Variants in RAD51B observed in about 807,000 individuals in gnomAD.
RAD51B encodes DNA repair protein RAD51 homolog 2.
A neutral mutation model predicts 42.2 loss-of-function variants in RAD51B; 38 were observed. The observed-to-expected ratio is 0.90, with a 90% CI of 0.70 to 1.18. The LOEUF is 1.18. Ranked by LOEUF, RAD51B falls within the 50% of genes most tolerant of loss-of-function variation. The probability of loss-of-function intolerance (pLI) is 0.00; values close to 1 mark genes in which losing one functional copy is unlikely to be tolerated. For synonymous variants in RAD51B, 154 were observed against 145.2 expected, an observed-to-expected ratio of 1.06 and a Z score of -0.43; for missense variants, 373 against 400.7, an observed-to-expected ratio of 0.93 and a Z score of 0.59.
chr14:68,578,629 G>A (rs1890072630), intron 10 of RAD51B, among the ~76,000 whole-genome samples: 1 of 152,082 alleles, frequency 6.6e-6, no homozygotes, highest in Admixed American at 6.5e-5. Flanking sequence ...AGGATATATT[G>A]ACTCACAGGC....
At chr14:67,966,885 C>T (rs949557267) in intron 7 of RAD51B, among the ~76,000 whole-genome samples, 1 of 152,110 alleles carries the variant, frequency 6.6e-6, no homozygotes, top group Admixed American at 6.5e-5. Flanking sequence ...TCTAGCTTAA[C>T]CCTTTCCTCT....
chr14:67,894,393 T>C (rs1412043947), intron 7 of RAD51B, among the ~76,000 whole-genome samples: 1 of 152,170 alleles, frequency 6.6e-6, no homozygotes, highest in Non-Finnish European at 1.5e-5. Context: ...TCTGGTTAAC[T>C]TACACTTATT....
chr14:68,217,754 TG>T (rs2079846166), intron 7 of RAD51B, among the ~76,000 whole-genome samples: 1 of 152,206 alleles, frequency 6.6e-6, no homozygotes, highest in Admixed American at 6.5e-5. Flanking sequence ...CAGAAGAATT[TG>T]GAGCAGAGAG....
chr14:68,029,021 A>AG (rs1400588058), intron 7 of RAD51B, among the ~76,000 whole-genome samples: 3 of 152,216 alleles, frequency 2.0e-5, no homozygotes, highest in African/African-American at 7.2e-5. Flanking sequence ...AGGATTCCAG[A>AG]GGTCCACAGT....
At chr14:68,414,587 T>G (rs1157594235) in intron 9 of RAD51B, among the ~76,000 whole-genome samples, 1 of 152,114 alleles carries the variant, frequency 6.6e-6, no homozygotes, top group African/African-American at 2.4e-5. Context: ...AATACTGAGG[T>G]ACTGTTACAA....
chr14:68,346,936 C>T (rs1594700530), intron 8 of RAD51B, among the ~76,000 whole-genome samples: 1 of 152,136 alleles, frequency 6.6e-6, no homozygotes, highest in Admixed American at 6.5e-5. Flanking sequence ...TTTATCCCTT[C>T]CCCTCTTGCC....
intron 10 of RAD51B, among the ~76,000 whole-genome samples, chr14:68,569,824 C>CTGGGGGG: frequency 3.3e-5 from 5 of 152,106 alleles, no homozygotes; most frequent in Admixed American, 2.0e-4. Context: ...CAGTAGGGAG[C>CTGGGGGG]CCCCCAACCC....
intron 8 of RAD51B, among the ~76,000 whole-genome samples, chr14:68,325,579 T>C (rs971079707): frequency 6.6e-6 from 1 of 152,046 alleles, no homozygotes; most frequent in Non-Finnish European, 1.5e-5. Flanking sequence ...TCTCATTTTT[T>C]TTTTTTTTAA....
At chr14:68,091,435 T>C (rs148898681) in intron 7 of RAD51B, among the ~76,000 whole-genome samples, 42,146 of 152,132 alleles carry the variant, frequency 0.28, 7,928 homozygotes, top group African/African-American at 0.54. Context: ...TTTTGATTTG[T>C]ATTTCTCTGA....
intron 7 of RAD51B, among the ~76,000 whole-genome samples, chr14:68,066,414 C>T (rs1439422075): frequency 1.3e-5 from 2 of 152,050 alleles, no homozygotes; most frequent in African/African-American, 2.4e-5. Flanking sequence ...ATAAGAAAAG[C>T]TAATGCATCC....
chr14:68,117,008 T>C (rs1394369416), intron 7 of RAD51B, among the ~76,000 whole-genome samples: 1 of 152,206 alleles, frequency 6.6e-6, no homozygotes. Context: ...GGTAACAATG[T>C]TATTACATGT....
At chr14:68,262,548 C>T (rs1264438845) in intron 7 of RAD51B, among the ~76,000 whole-genome samples, 1 of 152,190 alleles carries the variant, frequency 6.6e-6, no homozygotes, top group East Asian at 1.9e-4. Flanking sequence ...GTGGGATTTT[C>T]ACCTGCCCCC....
chr14:68,177,717 A>G (rs1413874292), intron 7 of RAD51B, among the ~76,000 whole-genome samples: 1 of 151,990 alleles, frequency 6.6e-6, no homozygotes, highest in African/African-American at 2.4e-5. Context: ...AATAAATTTG[A>G]GAAAGCCTTC....
intron 7 of RAD51B, among the ~76,000 whole-genome samples, chr14:68,060,616 G>A (rs867976854): frequency 7.2e-5 from 11 of 152,088 alleles, no homozygotes; most frequent in African/African-American, 2.7e-4. Context: ...TGAAATTTTC[G>A]TCCAACTTTC....
At chr14:68,290,947 C>G (rs1308839719) in intron 7 of RAD51B, among the ~76,000 whole-genome samples, 1 of 151,836 alleles carries the variant, frequency 6.6e-6, no homozygotes, top group Non-Finnish European at 1.5e-5. Context: ...GCTAGGACTA[C>G]AGGCGCCTGC....
chr14:68,545,862 G>T (rs1566933383), intron 10 of RAD51B, among the ~76,000 whole-genome samples: 1 of 152,154 alleles, frequency 6.6e-6, no homozygotes, highest in Non-Finnish European at 1.5e-5. Flanking sequence ...TTGCCAATTT[G>T]GGTCTGAACT....
intron 7 of RAD51B, among the ~76,000 whole-genome samples, chr14:68,011,015 C>T (rs1460867152): frequency 5.9e-5 from 9 of 151,774 alleles, no homozygotes; most frequent in Non-Finnish European, 1.3e-4. Flanking sequence ...GTGAGTCATA[C>T]AAAATAGTGA....
intron 11 of RAD51B, among the ~76,000 whole-genome samples, chr14:68,662,105 A>G (rs952189627): frequency 1.3e-5 from 2 of 152,316 alleles, no homozygotes; most frequent in Middle Eastern, 6.8e-3. Context: ...TCCAAGTGGG[A>G]CAGACCAGTA....
intron 8 of RAD51B, among the ~76,000 whole-genome samples, chr14:68,335,387 TAAAA>T (rs1163595732): frequency 6.6e-6 from 1 of 152,082 alleles, no homozygotes; most frequent in Non-Finnish European, 1.5e-5. Context: ...TTCTCAAAAT[TAAAA>T]AAGCAGATAG....
Sources: gnomAD v4.1 joint callset for allele counts (sites outside exome capture counted in the v4.1 genomes callset) on GRCh38, gnomAD v4.1.1 for gene constraint, MANE v1.5 for transcripts, NCBI Gene and HGNC (gene_info 2026-07-23, HGNC 2026-07-21) for gene names.